Variants in TNS3 observed in about 807,000 individuals in gnomAD.
TNS3 encodes tensin 3.
A neutral mutation model predicts 140.9 loss-of-function variants in TNS3; 45 were observed. The ratio of observed to expected loss-of-function variants is 0.32; its 90% CI spans 0.25 to 0.41. TNS3 has a LOEUF of 0.41. Among genes scored for constraint, TNS3 ranks in the 10% least tolerant of loss-of-function variants. TNS3 has a pLI of 1.00. For missense variants in TNS3, 1,716 were observed against 1,906.7 expected, an observed-to-expected ratio of 0.90 and a Z score of 1.86; for synonymous variants, 815 against 788.4, an observed-to-expected ratio of 1.03 and a Z score of -0.56.
intron 3 of TNS3, among the ~76,000 whole-genome samples, chr7:47,486,398 A>AC (rs1288051037): frequency 6.6e-6 from 1 of 151,970 alleles, no homozygotes; most frequent in African/African-American, 2.4e-5. Flanking sequence ...GTGAGTGTAT[A>AC]CCTGTATGTG....
At chr7:47,380,955 G>T (rs2151222057) in intron 16 of TNS3, among the ~76,000 whole-genome samples, 1 of 152,276 alleles carries the variant, frequency 6.6e-6, no homozygotes, top group Admixed American at 6.5e-5. Flanking sequence ...CACTAGTGTA[G>T]AAGGTAAAAG....
chr7:47,380,996 C>T (rs146667619), intron 16 of TNS3, among the ~76,000 whole-genome samples: 18 of 152,210 alleles, frequency 1.2e-4, no homozygotes, highest in East Asian at 1.2e-3. Flanking sequence ...ACTTTGATTC[C>T]GCCAAAAAGG....
intron 17 of TNS3, among the ~76,000 whole-genome samples, chr7:47,363,726 G>A (rs1208179515): frequency 2.0e-5 from 3 of 152,180 alleles, no homozygotes; most frequent in South Asian, 2.1e-4. Context: ...CCTTGTGAGC[G>A]AGACTCAAGG....
intron 1 of TNS3, among the ~76,000 whole-genome samples, chr7:47,560,498 C>T (rs1259769249): frequency 6.6e-6 from 1 of 152,184 alleles, no homozygotes; most frequent in Non-Finnish European, 1.5e-5. Flanking sequence ...ATCTGCCCAA[C>T]CAAAGCCCTA....
At chr7:47,486,550 C>T (rs1367423883) in intron 3 of TNS3, among the ~76,000 whole-genome samples, 1 of 152,156 alleles carries the variant, frequency 6.6e-6, no homozygotes, top group African/African-American at 2.4e-5. Context: ...GCCCGGCCAC[C>T]ATTACCCCCA....
chr7:47,512,478 A>T (rs1446186561), intron 2 of TNS3, among the ~76,000 whole-genome samples: 1 of 152,246 alleles, frequency 6.6e-6, no homozygotes, highest in Non-Finnish European at 1.5e-5. Flanking sequence ...AATTACATAT[A>T]TATACAAACA....
chr7:47,322,614 T>C (rs950536469), intron 20 of TNS3, among the ~76,000 whole-genome samples: 1 of 152,054 alleles, frequency 6.6e-6, no homozygotes, highest in East Asian at 1.9e-4. Flanking sequence ...GAATGGAATG[T>C]TATGATTAGA....
intron 27 of TNS3, among the ~76,000 whole-genome samples, chr7:47,289,172 G>T (rs1449856578): frequency 6.6e-6 from 1 of 152,174 alleles, no homozygotes; most frequent in East Asian, 1.9e-4. Flanking sequence ...ACAAATTGTA[G>T]AGGAAATAAG....
intron 20 of TNS3, among the ~76,000 whole-genome samples, chr7:47,325,869 G>A (rs1320551834): frequency 2.6e-5 from 4 of 152,114 alleles, no homozygotes; most frequent in Non-Finnish European, 1.5e-5. Context: ...TTTAAAGACA[G>A]GGAAGTGGAA....
At chr7:47,354,481 C>A (rs1370459266) in intron 17 of TNS3, among the ~76,000 whole-genome samples, 2 of 152,074 alleles carry the variant, frequency 1.3e-5, no homozygotes, top group African/African-American at 2.4e-5. Context: ...CAGGGGGGCA[C>A]CTGCATCTGG....
rs1786664063 is a variant in TNS3, at chr7:47,305,020, G to C, written c.2651-17C>G. The C allele has an allele frequency of 3.0e-6, 4 of 1,331,356 alleles. No homozygotes were observed. The highest frequency in any genetic ancestry group is 9.7e-7 in the Non-Finnish European group (1 of 1,030,668). 82.5% of individuals were successfully genotyped at this position (1,331,356 alleles called of 1,614,324 possible). A position where few individuals can be genotyped will look rare whatever the true frequency, so the allele number is the denominator to read the frequency against. On this transcript the variant is annotated splice_polypyrimidine_tract_variant and intron_variant, in intron 20 of 30. Transcript: ENST00000311160. ...TTCGTGGTTCTGTAGCGGGAACACA[G>C]GAAGCAGAGAGACCTCGGTTGTAGG...
At chr7:47,541,708 T>C (rs922497066) in intron 1 of TNS3, among the ~76,000 whole-genome samples, 1 of 151,898 alleles carries the variant, frequency 6.6e-6, no homozygotes, top group Admixed American at 6.6e-5. Flanking sequence ...CAGCACTTTG[T>C]GAGGCTGAGG....
chr7:47,419,935 G>A (rs1251548112), intron 10 of TNS3, among the ~76,000 whole-genome samples: 2 of 152,070 alleles, frequency 1.3e-5, no homozygotes, highest in African/African-American at 4.8e-5. Flanking sequence ...TTTTCCAGGG[G>A]GCTGATTTGG....
chr7:47,308,161 T>C (rs1786868607), intron 20 of TNS3, among the ~76,000 whole-genome samples: 2 of 152,240 alleles, frequency 1.3e-5, no homozygotes, highest in Admixed American at 6.5e-5. Context: ...GTTTAGTTTT[T>C]TAAATATGGA....
intron 8 of TNS3, among the ~76,000 whole-genome samples, chr7:47,434,998 C>T (rs1001974985): frequency 1.3e-5 from 2 of 152,190 alleles, no homozygotes; most frequent in South Asian, 2.1e-4. Flanking sequence ...AAAAATGAAA[C>T]GATTTGCTCT....
intron 2 of TNS3, among the ~76,000 whole-genome samples, chr7:47,512,318 T>C (rs999650739): frequency 3.0e-4 from 45 of 152,096 alleles, no homozygotes; most frequent in African/African-American, 1.1e-3. Context: ...TGAACTCACA[T>C]GCTCACTCCA....
intron 2 of TNS3, among the ~76,000 whole-genome samples, chr7:47,519,691 C>T (rs1798898404): frequency 6.6e-6 from 1 of 152,094 alleles, no homozygotes; most frequent in South Asian, 2.1e-4. Flanking sequence ...AGTGAGCTGG[C>T]TGGAGGGGCG....
intron 14 of TNS3, 107 bp from the exon 15 acceptor site, chr7:47,400,565 G>A (rs1187393201): frequency 7.8e-7 from 1 of 1,288,796 alleles, no homozygotes; most frequent in Admixed American, 1.9e-5. Context: ...TCCCAAATCT[G>A]CAATAAAGAC....
At chr7:47,568,787 C>T (rs1489715760) in intron 1 of TNS3, among the ~76,000 whole-genome samples, 1 of 152,266 alleles carries the variant, frequency 6.6e-6, no homozygotes, top group African/African-American at 2.4e-5. Flanking sequence ...ACGTGATACC[C>T]TGCCATGTGT....
Sources: allele counts gnomAD v4.1 joint callset (sites outside exome capture counted in the v4.1 genomes callset), GRCh38; gene constraint gnomAD v4.1.1; transcripts MANE v1.5; gene names NCBI Gene and HGNC (gene_info 2026-07-23, HGNC 2026-07-21).